Variants in SPATA31G1 observed in about 807,000 individuals in gnomAD.
SPATA31G1 encodes the protein SPATA31 subfamily G member 1, also known as spermatogenesis-associated protein 31G1.
the SPATA31G1 span, chr9:35,045,066 C>T: frequency 3.7e-6 from 6 of 1,614,058 alleles, no homozygotes; most frequent in Non-Finnish European, 4.2e-6. Flanking sequence ...TTGCAGCTCC[C>T]CTATTCTGAG....
At chr9:35,042,271 A>AG in the SPATA31G1 span, 2 of 1,613,932 alleles carry the variant, frequency 1.2e-6, no homozygotes, top group African/African-American at 1.3e-5. Flanking sequence ...TGGCTGCTGG[A>AG]GGACCTGCTT....
chr9:35,045,546 C>A, the SPATA31G1 span: 1 of 1,614,134 alleles, frequency 6.2e-7, no homozygotes. Context: ...AGGGAAGAAC[C>A]ACCCTGCCCA....
the SPATA31G1 span, chr9:35,042,957 G>A: frequency 6.2e-6 from 10 of 1,614,046 alleles, no homozygotes; most frequent in Non-Finnish European, 5.9e-6. Flanking sequence ...AGAGGGGGAA[G>A]ACGAGGCATC....
chr9:35,042,356 C>CT, the SPATA31G1 span: 1 of 1,614,238 alleles, frequency 6.2e-7, no homozygotes, highest in African/African-American at 1.3e-5. Context: ...GCGGCAGCAG[C>CT]TGCTTCCAGA....
At chr9:35,042,105 G>A in the SPATA31G1 span, 1 of 1,205,512 alleles carries the variant, frequency 8.3e-7, no homozygotes, top group African/African-American at 1.5e-5. Context: ...ATTTCACTGT[G>A]TGAAGCATGA....
At chr9:35,041,357 A>G in the SPATA31G1 span, 2 of 220,798 alleles carry the variant, frequency 9.1e-6, no homozygotes, top group Non-Finnish European at 1.9e-5. Flanking sequence ...AGATGTTACT[A>G]TTTATTCCTA....
chr9:35,045,149 C>G, the SPATA31G1 span: 1 of 1,614,134 alleles, frequency 6.2e-7, no homozygotes, highest in Non-Finnish European at 8.5e-7. Flanking sequence ...ATCCATGCCC[C>G]CACTCTTCAA....
the SPATA31G1 span, chr9:35,042,220 T>C: frequency 1.9e-6 from 3 of 1,603,666 alleles, no homozygotes; most frequent in Admixed American, 1.7e-5. Context: ...GATGCAATGA[T>C]GACCTCAGGG....
chr9:35,044,128 C>T, the SPATA31G1 span: 1 of 1,614,114 alleles, frequency 6.2e-7, no homozygotes, highest in South Asian at 1.1e-5. Context: ...TTGTGGGAGA[C>T]CATGGGGCAG....
At chr9:35,043,241 C>T in the SPATA31G1 span, 65 of 1,614,212 alleles carry the variant, frequency 4.0e-5, no homozygotes, top group Middle Eastern at 4.9e-4. Context: ...CTCTGCACAG[C>T]GAGTCCTTGG....
chr9:35,041,350 T>C, the SPATA31G1 span: 1 of 228,238 alleles, frequency 4.4e-6, no homozygotes, highest in South Asian at 4.5e-5. Flanking sequence ...TTCTAAGAGA[T>C]GTTACTATTT....
the SPATA31G1 span, chr9:35,044,787 C>T: frequency 6.2e-7 from 1 of 1,614,208 alleles, no homozygotes; most frequent in Non-Finnish European, 8.5e-7. Context: ...AGGCCCCAGC[C>T]CTCTGGCAGT....
At chr9:35,043,461 TCTC>T in the SPATA31G1 span, 2 of 1,614,018 alleles carry the variant, frequency 1.2e-6, no homozygotes, top group East Asian at 2.2e-5. Flanking sequence ...ACCTCCATCT[TCTC>T]CTTCTGTCTC....
the SPATA31G1 span, chr9:35,042,306 C>T: frequency 6.2e-7 from 1 of 1,614,202 alleles, no homozygotes; most frequent in Non-Finnish European, 8.5e-7. Context: ...TATGGGGCTT[C>T]TCTGGGGCCA....
chr9:35,043,030 C>G, the SPATA31G1 span: 1 of 1,614,172 alleles, frequency 6.2e-7, no homozygotes, highest in African/African-American at 1.3e-5. Context: ...CAAGCCACTC[C>G]AGCCCCACCC....
the SPATA31G1 span, chr9:35,042,251 G>A: frequency 1.2e-6 from 2 of 1,613,774 alleles, no homozygotes; most frequent in Non-Finnish European, 1.7e-6. Context: ...GAAGGCTAAG[G>A]GAAATGGAAT....
chr9:35,043,552 C>T, the SPATA31G1 span: 4 of 1,614,042 alleles, frequency 2.5e-6, no homozygotes, highest in Admixed American at 3.3e-5. Flanking sequence ...CCCACACAGT[C>T]CCCTGGAACT....
the SPATA31G1 span, chr9:35,043,012 C>A: frequency 5.6e-6 from 9 of 1,614,172 alleles, no homozygotes; most frequent in East Asian, 1.6e-4. Context: ...GAAGCTCCCA[C>A]TGGAGAGCAA....
At chr9:35,044,187 C>T in the SPATA31G1 span, 1 of 1,614,148 alleles carries the variant, frequency 6.2e-7, no homozygotes, top group Non-Finnish European at 8.5e-7. Flanking sequence ...TCATAGCACA[C>T]CTCCAACCAC....
Sources: allele counts gnomAD v4.1 joint callset, GRCh38; gene constraint gnomAD v4.1.1; transcripts MANE v1.5; gene names NCBI Gene and HGNC (gene_info 2026-07-23, HGNC 2026-07-21).